ARPP21: variants seen among roughly 807,000 people sequenced by gnomAD.
ARPP21 encodes cAMP regulated phosphoprotein 21.
ARPP21 carries 69 observed loss-of-function variants against 113.2 expected under a neutral mutation model. The ratio of observed to expected loss-of-function variants is 0.61; its 90% CI spans 0.50 to 0.74. The LOEUF (loss-of-function observed/expected upper bound fraction) is 0.74. ARPP21 is among the 30% of genes least tolerant of loss of function. The pLI, the probability that ARPP21 is intolerant of heterozygous loss-of-function variation, is 0.00. For missense variants in ARPP21, 1,070 were observed against 1,037.4 expected (o/e 1.03, Z -0.43); for synonymous variants, 368 against 375.5 (o/e 0.98, Z 0.23).
chr3:35,757,829 T>TATTATAATAA (rs2095628298), intron 19 of ARPP21, among the ~76,000 whole-genome samples: 2 of 152,132 alleles, frequency 1.3e-5, no homozygotes, highest in Non-Finnish European at 2.9e-5. Flanking sequence ...ATTATATTTA[T>TATTATAATAA]TCAAAACTCA....
At chr3:35,691,400 T>G (rs2082192348) in intron 9 of ARPP21, among the ~76,000 whole-genome samples, 1 of 151,654 alleles carries the variant, frequency 6.6e-6, no homozygotes, top group Admixed American at 6.6e-5. Flanking sequence ...TTCTTCTGCT[T>G]TTTTAGACAT....
intron 20 of ARPP21, 86 bp from the exon 21 acceptor site, chr3:35,793,615 T>C: frequency 1.1e-6 from 1 of 916,134 alleles, no homozygotes; most frequent in Non-Finnish European, 1.8e-6. Context: ...CTCAAAAGTT[T>C]GAATATTTTT....
intron 1 of ARPP21, among the ~76,000 whole-genome samples, chr3:35,666,188 C>T (rs1400469228): frequency 6.6e-6 from 1 of 151,974 alleles, no homozygotes; most frequent in Admixed American, 6.6e-5. Flanking sequence ...CTAAACCTAC[C>T]AAGCAGAAGG....
At chr3:35,660,228 A>G (rs1707069979) in intron 1 of ARPP21, among the ~76,000 whole-genome samples, 2 of 152,148 alleles carry the variant, frequency 1.3e-5, no homozygotes, top group South Asian at 4.1e-4. Flanking sequence ...GGTTCTTTCC[A>G]TTTCCTCCAG....
chr3:35,754,061 T>G (rs1309707734), intron 19 of ARPP21, among the ~76,000 whole-genome samples: 1 of 151,264 alleles, frequency 6.6e-6, no homozygotes, highest in East Asian at 2.0e-4. Flanking sequence ...TGGCTGGAGA[T>G]GGGGAGAAGG....
intron 6 of ARPP21, 33 bp downstream of exon 6, chr3:35,687,916 A>G (rs1435662976): frequency 3.2e-6 from 5 of 1,562,058 alleles, no homozygotes; most frequent in Non-Finnish European, 3.4e-6. Context: ...AACTTACTCA[A>G]TTTGGGCACA....
intron 19 of ARPP21, among the ~76,000 whole-genome samples, chr3:35,755,623 A>G (rs917164191): frequency 5.3e-5 from 8 of 152,054 alleles, no homozygotes; most frequent in Non-Finnish European, 8.8e-5. Context: ...CTCCTTTTCT[A>G]GTAAAAGACC....
At chr3:35,729,160 G>A in intron 14 of ARPP21, 143 bp from the exon 15 acceptor site, 2 of 591,396 alleles carry the variant, frequency 3.4e-6, no homozygotes, top group African/African-American at 1.9e-5. Flanking sequence ...AAATATGAGA[G>A]GGGCATTAGT....
intron 15 of ARPP21, among the ~76,000 whole-genome samples, chr3:35,730,233 TG>T (rs1428962282): frequency 6.6e-6 from 1 of 152,224 alleles, no homozygotes; most frequent in Non-Finnish European, 1.5e-5. Context: ...ACTTCCACAT[TG>T]ATTTCAAAAG....
chr3:35,731,023 C>T (rs1001008859), intron 15 of ARPP21, among the ~76,000 whole-genome samples: 3 of 152,154 alleles, frequency 2.0e-5, no homozygotes, highest in African/African-American at 7.2e-5. Context: ...GGATCATATT[C>T]TTTACTTTGG....
At chr3:35,656,186 A>C (rs1252629369) in intron 1 of ARPP21, among the ~76,000 whole-genome samples, 1 of 152,090 alleles carries the variant, frequency 6.6e-6, no homozygotes, top group Non-Finnish European at 1.5e-5. Flanking sequence ...ATGACTATTG[A>C]ATACAAATTT....
At chr3:35,761,366 C>G (rs1223765974) in intron 19 of ARPP21, among the ~76,000 whole-genome samples, 1 of 152,028 alleles carries the variant, frequency 6.6e-6, no homozygotes, top group Non-Finnish European at 1.5e-5. Flanking sequence ...CAGTTTTTGG[C>G]TACTTTTAAC....
chr3:35,695,620 T>C (rs879608460), intron 9 of ARPP21, among the ~76,000 whole-genome samples: 2 of 151,606 alleles, frequency 1.3e-5, no homozygotes, highest in Middle Eastern at 3.4e-3. Context: ...AACAGATTCA[T>C]TGGGGACTAC....
intron 11 of ARPP21, 151 bp from the exon 12 acceptor site, chr3:35,715,287 AC>A (rs1211156402): frequency 1.6e-6 from 1 of 642,282 alleles, no homozygotes; most frequent in Non-Finnish European, 2.8e-6. Flanking sequence ...ATCCTAACCA[AC>A]CTTTTTCCTT....
chr3:35,688,904 T>C (rs2081417669), intron 6 of ARPP21, among the ~76,000 whole-genome samples: 1 of 151,034 alleles, frequency 6.6e-6, no homozygotes, highest in African/African-American at 2.4e-5. Context: ...GCCTTCTTTG[T>C]TTTAAGAGAA....
intron 19 of ARPP21, among the ~76,000 whole-genome samples, chr3:35,776,993 G>T (rs935098679): frequency 6.6e-6 from 1 of 152,096 alleles, no homozygotes; most frequent in Admixed American, 6.5e-5. Flanking sequence ...TAATCCAAAG[G>T]CAGAAAAGAG....
intron 1 of ARPP21, among the ~76,000 whole-genome samples, chr3:35,644,630 C>CA (rs1559501338): frequency 6.6e-6 from 1 of 151,600 alleles, no homozygotes; most frequent in East Asian, 1.9e-4. Context: ...TGCAGCAAAC[C>CA]AAAAAAGTGA....
intron 14 of ARPP21, among the ~76,000 whole-genome samples, chr3:35,727,945 G>C (rs1280280545): frequency 6.6e-6 from 1 of 151,956 alleles, no homozygotes; most frequent in Non-Finnish European, 1.5e-5. Flanking sequence ...CACCTTAGGG[G>C]CTTCTGCACA....
At chr3:35,732,369 G>A (rs1334146296) in intron 15 of ARPP21, among the ~76,000 whole-genome samples, 1 of 152,172 alleles carries the variant, frequency 6.6e-6, no homozygotes, top group African/African-American at 2.4e-5. Flanking sequence ...TCTGGCCTCA[G>A]ACTCAGCTTT....
Sources: gnomAD v4.1 joint callset for allele counts (sites outside exome capture counted in the v4.1 genomes callset) on GRCh38, gnomAD v4.1.1 for gene constraint, MANE v1.5 for transcripts, NCBI Gene and HGNC (gene_info 2026-07-23, HGNC 2026-07-21) for gene names.